The following TRMT11 variants were observed in gnomAD, a reference collection of about 807,000 sequenced individuals.
The protein encoded by TRMT11 is tRNA methyltransferase 11.
A neutral mutation model predicts 62.8 loss-of-function variants in TRMT11; 53 were observed. The observed-to-expected ratio is 0.84, with a 90% CI of 0.68 to 1.06. The LOEUF (loss-of-function observed/expected upper bound fraction) is 1.06. Among genes scored for constraint, TRMT11 ranks in the 50% least tolerant of loss-of-function variants. The pLI, the probability that TRMT11 is intolerant of heterozygous loss-of-function variation, is 0.00. For synonymous variants in TRMT11, 188 were observed against 190.3 expected (o/e 0.99, Z 0.10); for missense variants, 556 against 553.4 (o/e 1.00, Z -0.05).
chr6:126,163,168 C>T (rs2128229945), intron 21 of TRMT11, among the ~76,000 whole-genome samples: 1 of 152,182 alleles, frequency 6.6e-6, no homozygotes, highest in East Asian at 1.9e-4. Flanking sequence ...CAGTTTTTGC[C>T]CATTCAGTAT....
intron 17 of TRMT11, among the ~76,000 whole-genome samples, chr6:126,094,701 G>T (rs1777321140): frequency 6.6e-6 from 1 of 152,172 alleles, no homozygotes; most frequent in African/African-American, 2.4e-5. Flanking sequence ...GTTCCTTTTT[G>T]TAGCTCTTAA....
intron 12 of TRMT11, among the ~76,000 whole-genome samples, chr6:126,035,333 A>G (rs1774990142): frequency 6.6e-6 from 1 of 152,152 alleles, no homozygotes; most frequent in Non-Finnish European, 1.5e-5. Context: ...GTGCTGCTAG[A>G]TAATAGACTG....
chr6:126,258,750 G>T, the TRMT11 span, among the ~76,000 whole-genome samples: 1 of 151,320 alleles, frequency 6.6e-6, no homozygotes, highest in African/African-American at 2.4e-5. Context: ...TATTTTTTTG[G>T]GGTATTTTTT....
At chr6:126,262,035 G>C in the TRMT11 span, among the ~76,000 whole-genome samples, 4 of 152,208 alleles carry the variant, frequency 2.6e-5, no homozygotes, top group African/African-American at 9.6e-5. Context: ...CTATCTGCCT[G>C]TAGAGGCAGC....
At chr6:126,202,957 A>T (rs1181308001), downstream of TRMT11, among the ~76,000 whole-genome samples, 1 of 152,136 alleles carries the variant, frequency 6.6e-6, no homozygotes, top group Non-Finnish European at 1.5e-5. Context: ...TTGGATATAG[A>T]TAGTGGGAAG....
intron 21 of TRMT11, among the ~76,000 whole-genome samples, chr6:126,164,564 T>A (rs1046120535): frequency 1.3e-5 from 2 of 152,238 alleles, no homozygotes; most frequent in African/African-American, 4.8e-5. Context: ...TGTCTAATAT[T>A]GACAGTGGAG....
intron 21 of TRMT11, among the ~76,000 whole-genome samples, chr6:126,123,134 C>T (rs1777668639): frequency 1.3e-5 from 2 of 152,060 alleles, no homozygotes; most frequent in African/African-American, 4.8e-5. Flanking sequence ...ATAAAATGAG[C>T]TAATGTCTAA....
chr6:126,091,743 T>C (rs1777279759), intron 17 of TRMT11, among the ~76,000 whole-genome samples: 1 of 152,204 alleles, frequency 6.6e-6, no homozygotes, highest in Non-Finnish European at 1.5e-5. Flanking sequence ...TAAGGAGCAC[T>C]AGTTACATTC....
chr6:126,011,051 A>G (rs1052554847), intron 8 of TRMT11, among the ~76,000 whole-genome samples: 2 of 152,196 alleles, frequency 1.3e-5, no homozygotes, highest in African/African-American at 4.8e-5. Flanking sequence ...ACAGAACAAG[A>G]TAAGTTAGAC....
the TRMT11 span, among the ~76,000 whole-genome samples, chr6:126,212,715 C>G: frequency 1.3e-5 from 2 of 152,042 alleles, no homozygotes; most frequent in East Asian, 3.9e-4. Context: ...ATATTTTCTC[C>G]CATTCTGTGG....
At chr6:126,063,938 G>C (rs1776613080) in intron 17 of TRMT11, among the ~76,000 whole-genome samples, 1 of 152,176 alleles carries the variant, frequency 6.6e-6, no homozygotes, top group African/African-American at 2.4e-5. Context: ...TCAAAACAGG[G>C]AAGTGGGCCG....
the TRMT11 span, among the ~76,000 whole-genome samples, chr6:126,236,409 G>T: frequency 2.0e-5 from 3 of 152,064 alleles, no homozygotes; most frequent in Non-Finnish European, 4.4e-5. Context: ...TATGAAGTAA[G>T]AAATCATCTT....
upstream of TRMT11, among the ~76,000 whole-genome samples, chr6:126,173,533 G>A (rs780557696): frequency 6.6e-6 from 1 of 152,152 alleles, no homozygotes; most frequent in African/African-American, 2.4e-5. Context: ...AAGGCAGTCG[G>A]GGCAAGCATG....
intron 17 of TRMT11, among the ~76,000 whole-genome samples, chr6:126,098,563 TC>T (rs1352218019): frequency 2.0e-5 from 3 of 152,164 alleles, no homozygotes; most frequent in African/African-American, 7.2e-5. Context: ...TTGCATCCTC[TC>T]CCCAGCAGCA....
intron 21 of TRMT11, among the ~76,000 whole-genome samples, chr6:126,163,574 A>T (rs1778222910): frequency 6.6e-6 from 1 of 152,164 alleles, no homozygotes; most frequent in African/African-American, 2.4e-5. Flanking sequence ...TCATAAAATG[A>T]TTTAGGGAGG....
At chr6:126,021,324 A>G in intron 12 of TRMT11, 44 bp downstream of exon 12, 2 of 1,600,340 alleles carry the variant, frequency 1.2e-6, no homozygotes, top group African/African-American at 2.7e-5. Context: ...GAAAGAATCA[A>G]AAGTAGTTGT....
intron 16 of TRMT11, among the ~76,000 whole-genome samples, chr6:126,049,720 A>G (rs578094679): frequency 2.0e-4 from 31 of 152,378 alleles, no homozygotes; most frequent in Non-Finnish European, 4.1e-4. Flanking sequence ...GGAGTTTGGA[A>G]GGATGAGAAT....
intron 17 of TRMT11, among the ~76,000 whole-genome samples, chr6:126,103,109 C>T (rs919046808): frequency 5.9e-5 from 9 of 152,234 alleles, no homozygotes; most frequent in Admixed American, 4.6e-4. Flanking sequence ...CGACTTCCAT[C>T]GTAAACTCTT....
intron 16 of TRMT11, among the ~76,000 whole-genome samples, chr6:126,046,440 T>C (rs1042588157): frequency 6.6e-6 from 1 of 152,124 alleles, no homozygotes; most frequent in African/African-American, 2.4e-5. Flanking sequence ...ATACTAAAAG[T>C]AGATGTAAAG....
Sources: allele counts gnomAD v4.1 joint callset (sites outside exome capture counted in the v4.1 genomes callset), GRCh38; gene constraint gnomAD v4.1.1; transcripts MANE v1.5; gene names NCBI Gene and HGNC (gene_info 2026-07-23, HGNC 2026-07-21).